LOXHD1: variants seen among roughly 807,000 people sequenced by gnomAD.
The protein encoded by LOXHD1 is lipoxygenase homology domain-containing protein 1.
In LOXHD1, 205 loss-of-function variants were observed where a neutral mutation model predicts 248.2. The ratio of observed to expected loss-of-function variants is 0.83; its 90% confidence interval spans 0.74 to 0.93. LOXHD1 has a LOEUF of 0.93. Ranked by LOEUF, LOXHD1 falls within the 40% of genes least tolerant of loss-of-function variation. The pLI is 0.00. For synonymous variants in LOXHD1, 1,113 were observed against 1,162.8 expected (o/e 0.96, Z 0.87); for missense variants, 2,930 against 2,971.6 (o/e 0.99, Z 0.33).
At chr18:46,521,380 C>T in intron 32 of LOXHD1, 98 bp from the exon 33 acceptor site, 1 of 1,366,262 alleles carries the variant, frequency 7.3e-7, no homozygotes, top group Non-Finnish European at 1.0e-6. Context: ...TCCCAGTATG[C>T]TGTGCACTTG....
At chr18:46,560,052 T>TTGCC in intron 19 of LOXHD1, 31 bp downstream of exon 19, 2 of 441,130 alleles carry the variant, frequency 4.5e-6, no homozygotes, top group Non-Finnish European at 7.2e-6. Flanking sequence ...GGCCACTCCC[T>TTGCC]CCCCACCCCC....
intron 8 of LOXHD1, among the ~76,000 whole-genome samples, chr18:46,597,239 G>C (rs1427328745): frequency 6.6e-6 from 1 of 151,970 alleles, no homozygotes; most frequent in Non-Finnish European, 1.5e-5. Flanking sequence ...AGTATGTACA[G>C]TAAAATCACT....
Position 46,518,157 on chromosome 18 carries a change from C to T in LOXHD1, c.5371G>A (p.Glu1791Lys), listed in dbSNP as rs1248950826. 6.4e-7 allele frequency: 1 copy of T among 1,551,690 alleles called. No individual in the cohort carries two copies. Among genetic ancestry groups the T allele is most frequent in the Non-Finnish European group, 8.7e-7 (1 of 1,146,998 alleles). The change falls in exon 34 of 41, where the codon GAG becomes AAG. Residue 1791 changes from glutamate to lysine, a missense_variant. Transcript: ENST00000642948. ...TLYGINGSTEEMQLDKKKARF... is the reference protein window; with the variant it reads ...TLYGINGSTEKMQLDKKKARF... ...GCTTTCTTTTTGTCCAGCTGCATCT[C>T]CTCTGTGCTCCCGTTGATGCCGTAG...
At chr18:46,571,399 G>T (rs1183918354) in intron 15 of LOXHD1, among the ~76,000 whole-genome samples, 2 of 152,220 alleles carry the variant, frequency 1.3e-5, no homozygotes, top group Admixed American at 1.3e-4. Context: ...GAGCCTAGGA[G>T]GCTGAGGCTG....
intron 40 of LOXHD1, among the ~76,000 whole-genome samples, chr18:46,481,935 T>C (rs924980046): frequency 7.9e-5 from 12 of 152,184 alleles, no homozygotes; most frequent in Non-Finnish European, 1.8e-4. Flanking sequence ...TATTTTATTT[T>C]GTTTTGTTTA....
intron 25 of LOXHD1, among the ~76,000 whole-genome samples, chr18:46,540,778 GA>G (rs2036527859): frequency 6.6e-6 from 1 of 150,568 alleles, no homozygotes; most frequent in African/African-American, 2.5e-5. Context: ...TTTCAGGCCA[GA>G]GTCTGTCCTC....
intron 8 of LOXHD1, among the ~76,000 whole-genome samples, chr18:46,599,707 C>G: frequency 6.6e-6 from 1 of 151,862 alleles, no homozygotes; most frequent in East Asian, 1.9e-4. Context: ...TTTAAAACTC[C>G]TAAAAATAAA....
chr18:46,494,847 CTCTTTTTTT>C (rs2033735417), intron 37 of LOXHD1, among the ~76,000 whole-genome samples: 3 of 113,430 alleles, frequency 2.6e-5, no homozygotes, highest in Non-Finnish European at 3.8e-5. Context: ...TTTTCTCTCT[CTCTTTTTTT>C]TTTTTTTTTT....
chr18:46,632,015 G>A (rs1220904336), intron 4 of LOXHD1, among the ~76,000 whole-genome samples: 1 of 152,216 alleles, frequency 6.6e-6, no homozygotes, highest in Non-Finnish European at 1.5e-5. Flanking sequence ...GAGCAAACAG[G>A]TTGAGAAATG....
intron 2 of LOXHD1, among the ~76,000 whole-genome samples, chr18:46,644,388 G>A (rs2039001302): frequency 6.6e-6 from 1 of 152,176 alleles, no homozygotes; most frequent in African/African-American, 2.4e-5. Context: ...TTCAGTAAAG[G>A]AAAGCTCCAG....
chr18:46,504,400 C>T (rs1388257111), intron 37 of LOXHD1, among the ~76,000 whole-genome samples: 1 of 152,202 alleles, frequency 6.6e-6, no homozygotes, highest in Non-Finnish European at 1.5e-5. Flanking sequence ...GCCACAGCCC[C>T]TGGCCTCACA....
chr18:46,557,510 C>T (rs747320659), intron 20 of LOXHD1, 21 bp from the exon 21 acceptor site: 2 of 1,551,734 alleles, frequency 1.3e-6, no homozygotes, highest in South Asian at 2.4e-5. Context: ...CCAGGGAACA[C>T]TCAGTGGGGT....
chr18:46,630,115 C>G (rs1292185075), intron 4 of LOXHD1, among the ~76,000 whole-genome samples: 1 of 152,208 alleles, frequency 6.6e-6, no homozygotes, highest in Non-Finnish European at 1.5e-5. Context: ...CACCTCAAGA[C>G]TGGGCCCTCT....
intron 16 of LOXHD1, among the ~76,000 whole-genome samples, chr18:46,568,889 T>C (rs1398494727): frequency 1.3e-5 from 2 of 152,196 alleles, no homozygotes; most frequent in Admixed American, 6.5e-5. Flanking sequence ...ATGAAGTGCT[T>C]AGACCACTTG....
intron 37 of LOXHD1, among the ~76,000 whole-genome samples, chr18:46,492,963 T>G (rs1424689209): frequency 6.6e-6 from 1 of 152,190 alleles, no homozygotes; most frequent in Non-Finnish European, 1.5e-5. Context: ...ATATCAGATT[T>G]TGTCACTTCT....
At position 46,572,070 on chromosome 18, in the gene LOXHD1, C is replaced by A; in HGVS notation, c.2047+16G>T. On this transcript the variant is annotated intron_variant, in intron 15 of 40. Transcript: ENST00000642948. ...ACCAAGGGCACACCCAGCACCTGGTCATCAGGACAACTCACTCTTCAGTGT... is the reference window on the plus strand; with the variant it reads ...ACCAAGGGCACACCCAGCACCTGGTAATCAGGACAACTCACTCTTCAGTGT... The A allele has an allele frequency of 1.3e-6, 2 of 1,551,030 alleles. No individual in the cohort carries two copies. Among genetic ancestry groups the A allele is most frequent in the South Asian group, 2.4e-5 (2 of 84,012 alleles).
intron 7 of LOXHD1, among the ~76,000 whole-genome samples, chr18:46,603,393 G>T (rs2038367831): frequency 6.6e-6 from 1 of 152,058 alleles, no homozygotes; most frequent in Admixed American, 6.6e-5. Context: ...AGGATGAATG[G>T]AGCCAAATTG....
chr18:46,594,512 G>A, intron 8 of LOXHD1, 46 bp from the exon 9 acceptor site: 1 of 1,549,426 alleles, frequency 6.5e-7, no homozygotes, highest in Admixed American at 2.0e-5. Flanking sequence ...GTCTCCAGTA[G>A]GGTCCTCTTC....
chr18:46,576,224 A>G (rs1209486668), intron 14 of LOXHD1, among the ~76,000 whole-genome samples: 1 of 152,220 alleles, frequency 6.6e-6, no homozygotes, highest in African/African-American at 2.4e-5. Flanking sequence ...TAGGAATAAA[A>G]CAATGCAAGC....
Sources: allele counts gnomAD v4.1 joint callset (sites outside exome capture counted in the v4.1 genomes callset), GRCh38; gene constraint gnomAD v4.1.1; transcripts MANE v1.5; gene names NCBI Gene and HGNC (gene_info 2026-07-23, HGNC 2026-07-21).